PHKG1: variants seen among roughly 807,000 people sequenced by gnomAD.
PHKG1 encodes the protein phosphorylase b kinase gamma catalytic chain, skeletal muscle/heart isoform.
A neutral mutation model predicts 50.5 loss-of-function variants in PHKG1; 48 were observed. That is an observed-to-expected ratio of 0.95 (90% CI 0.75 to 1.21). The LOEUF is 1.21. Ranked by LOEUF, PHKG1 falls within the 50% of genes most tolerant of loss-of-function variation. The probability of loss-of-function intolerance (pLI) is 0.00; values close to 1 mark genes in which losing one functional copy is unlikely to be tolerated. For synonymous variants in PHKG1, 204 were observed against 212.8 expected (o/e 0.96, Z 0.36); for missense variants, 487 against 519.5 (o/e 0.94, Z 0.61).
In PHKG1 at chr7:56,082,149, C is replaced by G. The variant is rs1796033883; in HGVS notation, c.638+14G>C. ...CAGCCTAGCTGGGTGCTCCTCCTTT[C>G]CCGGCGCACTCACATGTCCACCTCT... On this transcript the variant is annotated intron_variant, in intron 7 of 9. Coordinates refer to ENST00000297373, the MANE Select transcript of PHKG1 (RefSeq NM_006213.5). 6.2e-7 allele frequency: 1 copy of G among 1,613,184 alleles called. No individual in the cohort carries two copies. Among genetic ancestry groups the G allele is most frequent in the East Asian group, 2.2e-5 (1 of 44,878 alleles).
chr7:56,082,482 AC>A (rs1189840656), intron 6 of PHKG1, among the ~76,000 whole-genome samples: 1 of 152,092 alleles, frequency 6.6e-6, no homozygotes, highest in Non-Finnish European at 1.5e-5. Flanking sequence ...AGTCCCAGCT[AC>A]TCAGGAGGCT....
Position 56,088,986 on chromosome 7 carries a change from A to G in PHKG1, c.-34-11T>C. On this transcript the variant is annotated splice_polypyrimidine_tract_variant and intron_variant, in intron 1 of 9. Transcript: ENST00000297373. ...GAACTCTGGGTGGCTCTGAGAGGGG[A>G]AAAGAAAGAAGCTGTCAGCCTTCCT... 7.4e-7 allele frequency: 1 copy of G among 1,357,432 alleles called. No individual in the cohort carries two copies. Among genetic ancestry groups the G allele is most frequent in the African/African-American group, 1.4e-5 (1 of 70,236 alleles). 84.1% of individuals were successfully genotyped at this position (1,357,432 alleles called of 1,614,324 possible).
intron 1 of PHKG1, among the ~76,000 whole-genome samples, chr7:56,091,951 T>C (rs940899348): frequency 6.6e-6 from 1 of 152,202 alleles, no homozygotes; most frequent in African/African-American, 2.4e-5. Context: ...AAGTCCTAAG[T>C]CCTCACAATG....
chr7:56,087,194 TTTATTATTATTATTATTA>T (rs56665611), intron 3 of PHKG1, among the ~76,000 whole-genome samples, 170 bp from the exon 4 acceptor site: 9 of 136,084 alleles, frequency 6.6e-5, no homozygotes, highest in East Asian at 2.2e-4. Context: ...GCCCAGGGAC[TTTATTATTATTATTATTA>T]TTATTATTAT....
chr7:56,092,300 T>C (rs1796518633), intron 1 of PHKG1, among the ~76,000 whole-genome samples: 1 of 152,070 alleles, frequency 6.6e-6, no homozygotes, highest in Non-Finnish European at 1.5e-5. Flanking sequence ...TTAGACAGAA[T>C]CTCGCTCTGT....
chr7:56,087,276 T>C (rs974352134), intron 3 of PHKG1, among the ~76,000 whole-genome samples: 5 of 151,080 alleles, frequency 3.3e-5, no homozygotes, highest in Admixed American at 1.3e-4. Context: ...GGCTGGAGTG[T>C]AATAGTGCAA....
rs1014594114 is a variant in PHKG1 at position 56,081,663 on chromosome 7, T to A, written c.885A>T (p.Glu295Asp). Residue 295 changes from glutamate to aspartate, a missense_variant, in exon 9 of 10, where the codon GAA (glutamate) becomes GAT (aspartate). Transcript: ENST00000297373. This position sits in a 1 kb window ranked among gnomAD's most constrained non-coding sequence, Gnocchi z 4.6. ...HPFFQQYLVE[E>D]VRHFSPRGKF... ...TCCCCCGGGGGCTGAAGTGCCGCACTTCCTCCACCAAGTACTGCTGGAAGA... is the reference window on the plus strand; with the variant it reads ...TCCCCCGGGGGCTGAAGTGCCGCACATCCTCCACCAAGTACTGCTGGAAGA... The A allele has an allele frequency of 6.2e-7, 1 of 1,613,606 alleles. No homozygotes were observed. The highest frequency in any genetic ancestry group is 8.5e-7 in the Non-Finnish European group (1 of 1,179,910).
intron 4 of PHKG1, chr7:56,084,227 G>C: frequency 2.0e-6 from 3 of 1,530,288 alleles, no homozygotes; most frequent in South Asian, 1.2e-5. Flanking sequence ...CATCTCCATT[G>C]TATCAGTGTC....
chr7:56,088,686 C>T (rs556009713), intron 2 of PHKG1, 173 bp downstream of exon 2: 2 of 531,968 alleles, frequency 3.8e-6, no homozygotes, highest in East Asian at 6.1e-5. Context: ...AGAGGTTTCT[C>T]TTATCTGTCC....
intron 1 of PHKG1, among the ~76,000 whole-genome samples, chr7:56,090,015 G>T (rs1160590557): frequency 6.6e-6 from 1 of 152,018 alleles, no homozygotes; most frequent in East Asian, 1.9e-4. Flanking sequence ...ATCTCCCCTT[G>T]TTGTGACTGT....
intron 1 of PHKG1, among the ~76,000 whole-genome samples, chr7:56,090,139 G>A (rs1042691484): frequency 4.0e-5 from 6 of 151,790 alleles, no homozygotes; most frequent in Non-Finnish European, 5.9e-5. Context: ...TTGTGGAGAC[G>A]GAGTCTCAGT....
chr7:56,081,975 A>T lies in PHKG1; in HGVS notation c.710T>A (p.Leu237Gln). The T allele has an allele frequency of 6.2e-7, 1 of 1,613,958 alleles. No individual in the cohort carries two copies. The highest frequency in any genetic ancestry group is 1.1e-5 in the South Asian group (1 of 91,082). Residue 237 changes from leucine to glutamine, a missense_variant, in exon 8 of 10, where the codon CTG becomes CAG. By Grantham distance (113) the Leu-to-Gln change is moderately radical. Transcript: ENST00000297373. This position sits in a 1 kb window ranked among gnomAD's most constrained non-coding sequence, Gnocchi z 4.6. ...SPPFWHRKQM[L>Q]MLRMIMSGNY... is the part of the protein sequence containing the mutation. ...GCCGCTCATGATCATCCTCAGCATCAGCATCTGCTTCCGGTGCCAGAAGGG... is the reference window on the plus strand; with the variant it reads ...GCCGCTCATGATCATCCTCAGCATCTGCATCTGCTTCCGGTGCCAGAAGGG...
chr7:56,083,003 G>A, intron 6 of PHKG1: 1 of 371,608 alleles, frequency 2.7e-6, no homozygotes, highest in Non-Finnish European at 5.0e-6. Flanking sequence ...CTACTCAGGA[G>A]GTTGAGGCAG....
intron 1 of PHKG1, among the ~76,000 whole-genome samples, chr7:56,089,795 A>G (rs1396784817): frequency 2.0e-5 from 3 of 152,138 alleles, no homozygotes; most frequent in Admixed American, 2.0e-4. Context: ...AAGTGCTGGG[A>G]TTAAAGGCGT....
chr7:56,086,591 C>T lies in PHKG1; in HGVS notation c.317+379G>A, dbSNP rs550239843. Among the ~76,000 whole-genome samples the T allele has an allele frequency of 4.3e-4, 65 of 152,164 alleles. 1 individual carries two copies. The East Asian group carries it at 7.8e-3, about 18-fold the overall frequency. On this transcript the variant is annotated intron_variant, in intron 4 of 9. Transcript: ENST00000297373. ...TCAACCTCCGCCTCCTGGGTTCAAG[C>T]GATTCTCCTGCCTCAGCCTCCCGCG...
intron 3 of PHKG1, 124 bp downstream of exon 3, chr7:56,087,474 G>T: frequency 2.4e-6 from 2 of 849,332 alleles, no homozygotes; most frequent in Non-Finnish European, 3.7e-6. Flanking sequence ...TGAGGGTGGA[G>T]CTGGGAGCCT....
rs777366310 is a variant in PHKG1 at position 56,081,165 on chromosome 7, A to C, written c.1053T>G (p.Ala351=). The C allele has an allele frequency of 6.2e-7, 1 of 1,613,652 alleles. No homozygotes were observed. The highest frequency in any genetic ancestry group is 1.1e-5 in the South Asian group (1 of 91,050). Residue 351 remains alanine, a synonymous_variant, in exon 10 of 10, where the codon GCT becomes GCG. Transcript: ENST00000297373. This position sits in a 1 kb window ranked among gnomAD's most constrained non-coding sequence, Gnocchi z 4.6. ...TCACCCAGTGGCCATAGATTCGGAA[A>C]GCGTAGGCGTCGATGAGCCGGCGCA... is the stretch of plus-strand genomic sequence containing the variant. ...RPLRRLIDAY[A]FRIYGHWVKK...
At chr7:56,087,230 A>G (rs1584628686) in intron 3 of PHKG1, among the ~76,000 whole-genome samples, 1 of 147,746 alleles carries the variant, frequency 6.8e-6, no homozygotes, top group Non-Finnish European at 1.5e-5. Context: ...TATTATTATT[A>G]TTATTATTAG....
rs963798472 is a variant in PHKG1, at chr7:56,080,763, T to C, written c.*291A>G. On this transcript the variant is annotated 3_prime_UTR_variant, in exon 10 of 10. Coordinates refer to ENST00000297373, the MANE Select transcript of PHKG1 (RefSeq NM_006213.5). ...GGCCTCCCCTAAAGAGAAATGGAGA[T>C]GGTGGCTCATCTAGGAAGTAGAGGA... 7 of 453,372 alleles carry C rather than the reference T, an allele frequency of 1.5e-5. No homozygotes were observed. Among genetic ancestry groups the C allele is most frequent in the African/African-American group, 9.8e-5 (5 of 50,882 alleles). 28.1% of individuals were successfully genotyped at this position (453,372 alleles called of 1,614,324 possible). A position where few individuals can be genotyped will look rare whatever the true frequency, so the allele number is the denominator to read the frequency against.
Sources: gnomAD v4.1 joint callset for allele counts (sites outside exome capture counted in the v4.1 genomes callset) on GRCh38, gnomAD v4.1.1 for gene constraint, Gnocchi (gnomAD v3.1) non-coding constraint, MANE v1.5 for transcripts, NCBI Gene and HGNC (gene_info 2026-07-23, HGNC 2026-07-21) for gene names.